The following NOS1 variants were observed in gnomAD, a reference collection of about 807,000 sequenced individuals.
NOS1 encodes nitric oxide synthase 1.
Under a neutral mutation model 164.5 loss-of-function variants are expected in NOS1, and 51 were observed. The observed-to-expected ratio is 0.31, with a 90% CI of 0.25 to 0.39. The LOEUF (loss-of-function observed/expected upper bound fraction) is 0.39. NOS1 is among the 10% of genes least tolerant of loss of function. The probability of loss-of-function intolerance (pLI) is 1.00; values close to 1 mark genes in which losing one functional copy is unlikely to be tolerated. For synonymous variants in NOS1, 719 were observed against 745.8 expected, an observed-to-expected ratio of 0.96 and a Z score of 0.59; for missense variants, 1,362 against 1,885.6, an observed-to-expected ratio of 0.72 and a Z score of 5.14.
intron 25 of NOS1, 121 bp downstream of exon 25, chr12:117,224,895 C>G (rs1033021092): frequency 1.5e-6 from 2 of 1,344,622 alleles, no homozygotes; most frequent in Admixed American, 1.7e-5. Flanking sequence ...CACGCCCCAG[C>G]TTTTCTGAGG....
At chr12:117,273,582 G>A (rs1381805685) in intron 9 of NOS1, among the ~76,000 whole-genome samples, 3 of 151,746 alleles carry the variant, frequency 2.0e-5, no homozygotes, top group Non-Finnish European at 2.9e-5. Context: ...TAAAAGTAAT[G>A]GCAAAAACCA....
rs1956467280 is a variant in NOS1, at chr12:117,208,228, T to C, written c.*7081A>G. On this transcript the variant is annotated 3_prime_UTR_variant, in exon 29 of 29. Coordinates refer to ENST00000317775, the MANE Select transcript of NOS1 (RefSeq NM_000620.5). ...TCCCATAAAATTGGAAGATGAGAACTATACAGAAGAAGAGCATGCGACAAA... is the reference window on the plus strand; with the variant it reads ...TCCCATAAAATTGGAAGATGAGAACCATACAGAAGAAGAGCATGCGACAAA... 3 of 1,225,374 alleles carry C rather than the reference T, an allele frequency of 2.4e-6. No homozygotes were observed. The highest frequency in any genetic ancestry group is 4.8e-5 in the Admixed American group (2 of 41,588). 75.9% of individuals were successfully genotyped at this position (1,225,374 alleles called of 1,614,324 possible).
At chr12:117,230,802 T>C (rs1869144647) in intron 22 of NOS1, among the ~76,000 whole-genome samples, 1 of 152,152 alleles carries the variant, frequency 6.6e-6, no homozygotes, top group African/African-American at 2.4e-5. Flanking sequence ...AGCTCATCAT[T>C]TGCAGCCACA....
chr12:117,330,989 G>A lies in NOS1; in HGVS notation c.81C>T (p.Gly27=). Residue 27 remains glycine (G), a synonymous_variant, in exon 2 of 29, where the codon GGC becomes GGT. Transcript: ENST00000317775. The surrounding 1 kb of genome is among the most constrained non-coding windows in gnomAD (Gnocchi z 4.6). ...CCCGCTCCTTCACCAGAAATCCCAG[G>A]CCCCCAACTTTGCGCTTGAAGAGAC... ...SVRLFKRKVG[G]LGFLVKERVS... is the part of the protein sequence containing the mutation. 1 of 1,614,132 alleles carries A rather than the reference G, an allele frequency of 6.2e-7. No individual in the cohort carries two copies. The highest frequency in any genetic ancestry group is 1.3e-5 in the African/African-American group (1 of 75,018).
In NOS1 at chr12:117,359,918, A is replaced by C. The variant is rs1282593711; in HGVS notation, c.-421+1594T>G. On this transcript the variant is annotated intron_variant, in intron 1 of 28. Coordinates refer to ENST00000317775, the MANE Select transcript of NOS1 (RefSeq NM_000620.5). ...TATATATATATATATATATATATAT[A>C]TATATATATATATATATCAGCAACA... Among the ~76,000 whole-genome samples, 5 of 70,944 alleles carry C rather than the reference A, an allele frequency of 7.0e-5. 2 individuals carry two copies. Among genetic ancestry groups the C allele is most frequent in the African/African-American group, 3.1e-4 (5 of 16,152 alleles). 46.5% of individuals were successfully genotyped at this position (70,944 alleles called of 152,430 possible).
At chr12:117,316,219 A>G (rs1874660177) in intron 2 of NOS1, among the ~76,000 whole-genome samples, 1 of 152,258 alleles carries the variant, frequency 6.6e-6, no homozygotes, top group Non-Finnish European at 1.5e-5. Context: ...ACGTGGCTCC[A>G]ACCAGGGGGC....
intron 21 of NOS1, among the ~76,000 whole-genome samples, chr12:117,233,899 T>C (rs41478451): frequency 0.05 from 7,641 of 151,998 alleles, 351 homozygotes; most frequent in African/African-American, 0.11. Flanking sequence ...TACATGCTAC[T>C]TCACATTCTA....
intron 17 of NOS1, among the ~76,000 whole-genome samples, chr12:117,253,433 GA>G (rs1236895794): frequency 6.6e-6 from 1 of 152,106 alleles, no homozygotes; most frequent in Non-Finnish European, 1.5e-5. Context: ...AGAAGTCACA[GA>G]AAGGATAAAA....
chr12:117,210,661 G>A lies in NOS1; in HGVS notation c.*4648C>T. The A allele has an allele frequency of 1.0e-6, 1 of 985,458 alleles. No individual in the cohort carries two copies. Among genetic ancestry groups the A allele is most frequent in the Non-Finnish European group, 1.2e-6 (1 of 829,958 alleles). The allele number at this position is 985,458 out of a possible 1,614,324, so 61.0% of individuals were successfully genotyped here. A position where few individuals can be genotyped will look rare whatever the true frequency, so the allele number is the denominator to read the frequency against. On this transcript the variant is annotated 3_prime_UTR_variant, in exon 29 of 29. Transcript: ENST00000317775. Reference sequence around the variant, plus strand: ...CCATTTGCCCTATGAGCTAGGTCAGGACACCTCTCACTTGTTTTGAGCTTA... The same window carrying A: ...CCATTTGCCCTATGAGCTAGGTCAGAACACCTCTCACTTGTTTTGAGCTTA...
At position 117,226,665 on chromosome 12, in the gene NOS1, T is replaced by C. The variant is rs773154303; in HGVS notation, c.3704+18A>G. 3.5e-5 allele frequency: 57 copies of C among 1,610,500 alleles called. No homozygotes were observed. The South Asian group carries it at 3.7e-4, about 11-fold the overall frequency. On this transcript the variant is annotated intron_variant, in intron 24 of 28. Transcript: ENST00000317775. ...CAGATTTGAGATGATTGCTCATTTTTCTCCACTTATTACTCACCCTCTCAC... is the reference window on the plus strand; with the variant it reads ...CAGATTTGAGATGATTGCTCATTTTCCTCCACTTATTACTCACCCTCTCAC...
At chr12:117,263,560 A>T (rs999420117) in intron 13 of NOS1, among the ~76,000 whole-genome samples, 7 of 149,108 alleles carry the variant, frequency 4.7e-5, no homozygotes, top group African/African-American at 1.5e-4. Context: ...GGCAAACATG[A>T]AAATCAAGGT....
intron 7 of NOS1, among the ~76,000 whole-genome samples, chr12:117,284,443 G>A (rs1173295081): frequency 3.3e-5 from 5 of 152,158 alleles, no homozygotes; most frequent in Non-Finnish European, 4.4e-5. Flanking sequence ...TGGTGAAGAC[G>A]AGTCCAAGGC....
intron 3 of NOS1, among the ~76,000 whole-genome samples, chr12:117,304,120 C>G (rs573876858): frequency 2.4e-4 from 36 of 151,886 alleles, no homozygotes; most frequent in African/African-American, 8.7e-4. Context: ...TGCAGTGAGC[C>G]GAGATCAGGC....
At chr12:117,237,843 C>G (rs1869850353) in intron 20 of NOS1, among the ~76,000 whole-genome samples, 2 of 152,088 alleles carry the variant, frequency 1.3e-5, no homozygotes, top group African/African-American at 2.4e-5. Flanking sequence ...GTGCCCTATT[C>G]TCATTGAGAA....
intron 1 of NOS1, among the ~76,000 whole-genome samples, chr12:117,351,918 C>T (rs535681212): frequency 5.9e-5 from 9 of 152,270 alleles, no homozygotes; most frequent in South Asian, 2.1e-4. Context: ...TGGTGGCTTA[C>T]GCCTGTAATC....
intron 7 of NOS1, among the ~76,000 whole-genome samples, chr12:117,282,014 G>A (rs1267277765): frequency 6.6e-6 from 1 of 152,030 alleles, no homozygotes; most frequent in Non-Finnish European, 1.5e-5. Context: ...AAAATTGCAG[G>A]TCACCAGCCA....
Position 117,209,321 on chromosome 12 carries a change from C to T in NOS1, c.*5988G>A, listed in dbSNP as rs1956492944. On this transcript the variant is annotated 3_prime_UTR_variant, in exon 29 of 29. Coordinates refer to ENST00000317775, the MANE Select transcript of NOS1 (RefSeq NM_000620.5). ...ATCTTGTGGATGGAGGCCAGGAATG[C>T]TGCTCAGCTTCCTACAGTACCCAAG... The T allele has an allele frequency of 4.2e-6, 4 of 954,266 alleles. No individual in the cohort carries two copies. Among genetic ancestry groups the T allele is most frequent in the Non-Finnish European group, 5.0e-6 (4 of 801,684 alleles). The allele number at this position is 954,266 out of a possible 1,614,324, so 59.1% of individuals were successfully genotyped here.
chr12:117,234,571 C>A lies in NOS1; in HGVS notation c.3229G>T (p.Ala1077Ser). 6.2e-7 allele frequency: 1 copy of A among 1,613,390 alleles called. No individual in the cohort carries two copies. Among genetic ancestry groups the A allele is most frequent in the Non-Finnish European group, 8.5e-7 (1 of 1,179,490 alleles). Reference protein sequence around the residue: ...KVELLEERNTALGVISNWTDE... With the variant: ...KVELLEERNTSLGVISNWTDE... ...GGGTCCCCGGGAATGTTACCTAAAG[C>A]CGTGTTCCGCTCCTCCAGCAGTTCC... The change falls in exon 21 of 29, where the codon GCT becomes TCT. Residue 1077 changes from alanine (A) to serine (S), a missense_variant. Physicochemically the swap from Ala to Ser is moderately conservative, Grantham distance 99. This residue lies in a region of NOS1 where 737 missense variants were observed against 1,030.3 expected (regional missense o/e 0.72). Transcript: ENST00000317775. The surrounding 1 kb of genome is among the most constrained non-coding windows in gnomAD (Gnocchi z 4.3).
intron 18 of NOS1, among the ~76,000 whole-genome samples, chr12:117,244,771 CATT>C (rs1384187156): frequency 6.6e-6 from 1 of 152,120 alleles, no homozygotes; most frequent in African/African-American, 2.4e-5. Context: ...ACCTTGAAAA[CATT>C]ATACTAAGTG....
Sources: gnomAD v4.1 joint callset for allele counts (sites outside exome capture counted in the v4.1 genomes callset) on GRCh38, gnomAD v4.1.1 for gene constraint, gnomAD v4.1.1 regional missense constraint, Gnocchi (gnomAD v3.1) non-coding constraint, MANE v1.5 for transcripts, NCBI Gene and HGNC (gene_info 2026-07-23, HGNC 2026-07-21) for gene names.